Variants in ACTL6B observed in about 807,000 individuals in gnomAD.
ACTL6B encodes the protein actin like 6B, also known as actin-like protein 6B.
A neutral mutation model predicts 63.3 loss-of-function variants in ACTL6B; 48 were observed. The ratio of observed to expected loss-of-function variants is 0.76; its 90% CI spans 0.60 to 0.96. ACTL6B has a LOEUF of 0.96. Among genes scored for constraint, ACTL6B ranks in the 50% least tolerant of loss-of-function variants. The probability of loss-of-function intolerance (pLI) is 0.00; values close to 1 mark genes in which losing one functional copy is unlikely to be tolerated. For missense variants in ACTL6B, 350 were observed against 572.2 expected (o/e 0.61, Z 3.96); for synonymous variants, 230 against 223.8 (o/e 1.03, Z -0.25).
chr7:100,646,192 G>C lies in ACTL6B; in HGVS notation c.1200+57C>G. ...AGAGGCAGTCAAAGTGGCGGGCACT[G>C]TCTGGGTCTCCCCTCTCCCCCACAG... On this transcript the variant is annotated intron_variant, in intron 13 of 13. Transcript: ENST00000160382. The surrounding 1 kb of genome is among the most constrained non-coding windows in gnomAD (Gnocchi z 6.1). The C allele has an allele frequency of 6.9e-7, 1 of 1,453,780 alleles. No homozygotes were observed. The highest frequency in any genetic ancestry group is 9.5e-7 in the Non-Finnish European group (1 of 1,056,052). The allele number at this position is 1,453,780 out of a possible 1,614,324, so 90.1% of individuals were successfully genotyped here. A position where few individuals can be genotyped will look rare whatever the true frequency, so the allele number is the denominator to read the frequency against.
At chr7:100,652,215 G>A (rs568159515) in intron 4 of ACTL6B, among the ~76,000 whole-genome samples, 1 of 152,040 alleles carries the variant, frequency 6.6e-6, no homozygotes, top group East Asian at 1.9e-4. Context: ...TGGCTAACAC[G>A]GTGAAACCCC....
In ACTL6B at chr7:100,650,120, T is replaced by C. The variant is rs1341644113; in HGVS notation, c.385A>G (p.Lys129Glu). Residue 129 changes from lysine to glutamate, a missense_variant, in exon 5 of 14, where the codon AAG becomes GAG. Physicochemically the swap from Lys to Glu is moderately conservative, Grantham distance 56. Coordinates refer to ENST00000160382, the MANE Select transcript of ACTL6B (RefSeq NM_016188.5). The part of the protein sequence containing the change: ...MSEAPWNTRA[K>E]REKLTELMFE... Reference sequence around the variant, plus strand: ...ATCAGCTCTGTCAGCTTCTCCCGCTTGGCCCGTGTGTTCCACTGTGGAGAA... The same window carrying C: ...ATCAGCTCTGTCAGCTTCTCCCGCTCGGCCCGTGTGTTCCACTGTGGAGAA... 1 of 1,613,770 alleles carries C rather than the reference T, an allele frequency of 6.2e-7. No individual in the cohort carries two copies. Among genetic ancestry groups the C allele is most frequent in the East Asian group, 2.2e-5 (1 of 44,884 alleles).
rs763756493 is a variant in ACTL6B, at chr7:100,655,821, A to G, written c.84T>C (p.Ala28=). Residue 28 remains alanine, a synonymous_variant, in exon 2 of 14, where the codon GCT becomes GCC. Transcript: ENST00000160382. This position sits in a 1 kb window ranked among gnomAD's most constrained non-coding sequence, Gnocchi z 4.4. ...GGCTCACCTTGGGACAGTCCTCCCCAGCGTACCCAGCGCGGACTGAGAAGG... is the reference window on the plus strand; with the variant it reads ...GGCTCACCTTGGGACAGTCCTCCCCGGCGTACCCAGCGCGGACTGAGAAGG... ...IGSFSVRAGY[A]GEDCPKADFP... The G allele has an allele frequency of 1.3e-6, 2 of 1,574,024 alleles. No homozygotes were observed. Among genetic ancestry groups the G allele is most frequent in the Non-Finnish European group, 8.6e-7 (1 of 1,159,202 alleles).
In ACTL6B at chr7:100,646,695, G is replaced by A. The variant is rs376531461; in HGVS notation, c.1018-49C>T. ...GCTGCGGGGGCAGCCCCCCAACCCCGTCTCCCCACTTCCCCTGGGCCCCTT... is the reference window on the plus strand; with the variant it reads ...GCTGCGGGGGCAGCCCCCCAACCCCATCTCCCCACTTCCCCTGGGCCCCTT... On this transcript the variant is annotated intron_variant, in intron 11 of 13. Transcript: ENST00000160382. The surrounding 1 kb of genome is among the most constrained non-coding windows in gnomAD (Gnocchi z 6.1). 1.5e-5 allele frequency: 23 copies of A among 1,579,560 alleles called. No homozygotes were observed. Among genetic ancestry groups the A allele is most frequent in the South Asian group, 4.4e-5 (4 of 90,496 alleles).
Position 100,656,391 on chromosome 7 carries a change from G to A in ACTL6B, c.-37C>T, listed in dbSNP as rs1316169274. On this transcript the variant is annotated 5_prime_UTR_variant, in exon 1 of 14. Transcript: ENST00000160382. ...CGCTGCTAGCGGCCCGTGGGCGGTG[G>A]CGGGATCAGCACCGAGGCGGCCGGA... The A allele has an allele frequency of 4.6e-6, 6 of 1,310,716 alleles. No individual in the cohort carries two copies. The South Asian group carries it at 6.2e-5, about 14-fold the overall frequency. The allele number at this position is 1,310,716 out of a possible 1,614,324, so 81.2% of individuals were successfully genotyped here. A position where few individuals can be genotyped will look rare whatever the true frequency, so the allele number is the denominator to read the frequency against.
Position 100,647,236 on chromosome 7 carries a change from G to T in ACTL6B, c.808C>A (p.Pro270Thr). The T allele has an allele frequency of 6.2e-7, 1 of 1,613,518 alleles. No individual in the cohort carries two copies. Among genetic ancestry groups the T allele is most frequent in the South Asian group, 1.1e-5 (1 of 91,064 alleles). ...AGCCACACTCACTGTTCATCGTAGGGGGAGTCTGAGACCTGCAGCACGGAG... is the reference window on the plus strand; with the variant it reads ...AGCCACACTCACTGTTCATCGTAGGTGGAGTCTGAGACCTGCAGCACGGAG... ...QASVLQVSDS[P>T]YDEQVAAQMP... Residue 270 changes from proline to threonine, a missense_variant, in exon 9 of 14, where the codon CCC becomes ACC. Transcript: ENST00000160382. The surrounding 1 kb of genome is among the most constrained non-coding windows in gnomAD (Gnocchi z 4.4).
In ACTL6B at chr7:100,655,149, G is replaced by A. The variant is rs1205861732; in HGVS notation, c.269-30C>T. 2.5e-6 allele frequency: 4 copies of A among 1,572,668 alleles called. No homozygotes were observed. Among genetic ancestry groups the A allele is most frequent in the Admixed American group, 1.7e-5 (1 of 59,824 alleles). Reference sequence around the variant, plus strand: ...GGCCAGAAGAGCAGCGTGCAGAGACGCAAGAAGGCAGGCAGGGGACAGGGA... The same window carrying A: ...GGCCAGAAGAGCAGCGTGCAGAGACACAAGAAGGCAGGCAGGGGACAGGGA... On this transcript the variant is annotated intron_variant, in intron 3 of 13. Transcript: ENST00000160382. This position sits in a 1 kb window ranked among gnomAD's most constrained non-coding sequence, Gnocchi z 4.4.
rs964237113 is a variant in ACTL6B, at chr7:100,656,418, A to C, written c.-64T>G. On this transcript the variant is annotated 5_prime_UTR_variant, in exon 1 of 14. Transcript: ENST00000160382. ...GGGATCAGCACCGAGGCGGCCGGAC[A>C]GCTCCCGGGATCCCTGGCGGGGCGG... 4 of 1,261,048 alleles carry C rather than the reference A, an allele frequency of 3.2e-6. No homozygotes were observed. In the Admixed American group the frequency reaches 1.2e-4, roughly 39 times the overall value. The allele number at this position is 1,261,048 out of a possible 1,614,324, so 78.1% of individuals were successfully genotyped here. A position where few individuals can be genotyped will look rare whatever the true frequency, so the allele number is the denominator to read the frequency against.
In ACTL6B at chr7:100,655,235, G is replaced by A; in HGVS notation, c.269-116C>T. On this transcript the variant is annotated intron_variant, in intron 3 of 13. Transcript: ENST00000160382. This position sits in a 1 kb window ranked among gnomAD's most constrained non-coding sequence, Gnocchi z 4.4. ...GGAGGGTCAGTGAGTCCAGCTCCAG[G>A]GGAACGCCCCCCTTCCCAGAAACCT... is the stretch of plus-strand genomic sequence containing the variant. 8.5e-7 allele frequency: 1 copy of A among 1,177,176 alleles called. No homozygotes were observed. The highest frequency in any genetic ancestry group is 1.2e-6 in the Non-Finnish European group (1 of 815,948). 72.9% of individuals were successfully genotyped at this position (1,177,176 alleles called of 1,614,324 possible).
At chr7:100,653,643 T>C (rs1322744718) in intron 4 of ACTL6B, among the ~76,000 whole-genome samples, 3 of 151,988 alleles carry the variant, frequency 2.0e-5, no homozygotes, top group African/African-American at 7.3e-5. Context: ...AGACCCCCTG[T>C]TTTTGAGGCA....
In ACTL6B at chr7:100,655,261, G is replaced by A; in HGVS notation, c.269-142C>T. On this transcript the variant is annotated intron_variant, in intron 3 of 13. Coordinates refer to ENST00000160382, the MANE Select transcript of ACTL6B (RefSeq NM_016188.5). This position sits in a 1 kb window ranked among gnomAD's most constrained non-coding sequence, Gnocchi z 4.4. Reference sequence around the variant, plus strand: ...GGAACGCCCCCCTTCCCAGAAACCTGGTGGGCCCCTGGGAAGGGAACCCAG... The same window carrying A: ...GGAACGCCCCCCTTCCCAGAAACCTAGTGGGCCCCTGGGAAGGGAACCCAG... 1.7e-6 allele frequency: 2 copies of A among 1,195,228 alleles called. No homozygotes were observed. Among genetic ancestry groups the A allele is most frequent in the Non-Finnish European group, 1.2e-6 (1 of 838,218 alleles). 74.0% of individuals were successfully genotyped at this position (1,195,228 alleles called of 1,614,324 possible).
chr7:100,650,516 CTCACAG>C (rs1174981279), intron 4 of ACTL6B, among the ~76,000 whole-genome samples: 7 of 151,868 alleles, frequency 4.6e-5, no homozygotes, highest in Non-Finnish European at 1.0e-4. Context: ...TATATTCACA[CTCACAG>C]TCACACACAC....
At position 100,646,499 on chromosome 7, in the gene ACTL6B, C is replaced by T. The variant is rs1803824215; in HGVS notation, c.1113+52G>A. 7.6e-6 allele frequency: 12 copies of T among 1,588,322 alleles called. No individual in the cohort carries two copies. The highest frequency in any genetic ancestry group is 1.0e-5 in the Non-Finnish European group (12 of 1,156,974). ...AAGGATGAAGGGACTCAGTCCTGGA[C>T]AGCTGAGCCAGGACGGGTGTCCAGG... On this transcript the variant is annotated intron_variant, in intron 12 of 13. Transcript: ENST00000160382. The surrounding 1 kb of genome is among the most constrained non-coding windows in gnomAD (Gnocchi z 6.1).
At position 100,655,240 on chromosome 7, in the gene ACTL6B, C is replaced by T. The variant is rs1804015932; in HGVS notation, c.269-121G>A. The T allele has an allele frequency of 6.0e-6, 7 of 1,160,044 alleles. No homozygotes were observed. Among genetic ancestry groups the T allele is most frequent in the Non-Finnish European group, 8.7e-6 (7 of 804,730 alleles). 71.9% of individuals were successfully genotyped at this position (1,160,044 alleles called of 1,614,324 possible). A position where few individuals can be genotyped will look rare whatever the true frequency, so the allele number is the denominator to read the frequency against. ...GTCAGTGAGTCCAGCTCCAGGGGAA[C>T]GCCCCCCTTCCCAGAAACCTGGTGG... is the stretch of plus-strand genomic sequence containing the variant. On this transcript the variant is annotated intron_variant, in intron 3 of 13. Coordinates refer to ENST00000160382, the MANE Select transcript of ACTL6B (RefSeq NM_016188.5). This position sits in a 1 kb window ranked among gnomAD's most constrained non-coding sequence, Gnocchi z 4.4.
intron 1 of ACTL6B, 127 bp downstream of exon 1, chr7:100,656,203 G>A: frequency 8.6e-7 from 1 of 1,157,020 alleles, no homozygotes; most frequent in Non-Finnish European, 1.1e-6. Context: ...GGTGGCGGGA[G>A]ACCCGAGCCT....
In ACTL6B at chr7:100,643,240, G is replaced by A; in HGVS notation, c.*6C>T. 1 of 1,614,004 alleles carries A rather than the reference G, an allele frequency of 6.2e-7. No individual in the cohort carries two copies. Among genetic ancestry groups the A allele is most frequent in the Non-Finnish European group, 8.5e-7 (1 of 1,179,946 alleles). Reference sequence around the variant, plus strand: ...CTTGGGAGCAGGTGTGTGGGGAGGAGTGCCATCAGGGGCACTTTCGCTCCA... The same window carrying A: ...CTTGGGAGCAGGTGTGTGGGGAGGAATGCCATCAGGGGCACTTTCGCTCCA... On this transcript the variant is annotated 3_prime_UTR_variant, in exon 14 of 14. Transcript: ENST00000160382.
In ACTL6B at chr7:100,647,161, G is replaced by GGCCC; in HGVS notation, c.821+61_821+62insGGGC. On this transcript the variant is annotated intron_variant, in intron 9 of 13. Coordinates refer to ENST00000160382, the MANE Select transcript of ACTL6B (RefSeq NM_016188.5). The surrounding 1 kb of genome is among the most constrained non-coding windows in gnomAD (Gnocchi z 4.4). ...GCGTGGGCAGCACCAGAGCCCCCCA[G>GGCCC]CCCACCCCAAGAGTGCCGGTTCTGC... 2 of 1,591,172 alleles carry GGCCC rather than the reference G, an allele frequency of 1.3e-6. No individual in the cohort carries two copies. Among genetic ancestry groups the GGCCC allele is most frequent in the Non-Finnish European group, 1.7e-6 (2 of 1,159,716 alleles).
At position 100,646,702 on chromosome 7, in the gene ACTL6B, C is replaced by T. The variant is rs1803828841; in HGVS notation, c.1017+49G>A. 1.9e-6 allele frequency: 3 copies of T among 1,613,104 alleles called. 1 individual carries two copies. The highest frequency in any genetic ancestry group is 2.2e-5 in the East Asian group (1 of 44,866). On this transcript the variant is annotated intron_variant, in intron 11 of 13. Transcript: ENST00000160382. The surrounding 1 kb of genome is among the most constrained non-coding windows in gnomAD (Gnocchi z 6.1). ...GGGCAGCCCCCCAACCCCGTCTCCCCACTTCCCCTGGGCCCCTTTGCCGAG... is the reference window on the plus strand; with the variant it reads ...GGGCAGCCCCCCAACCCCGTCTCCCTACTTCCCCTGGGCCCCTTTGCCGAG...
In ACTL6B at chr7:100,646,204, C is replaced by G. The variant is rs1471511036; in HGVS notation, c.1200+45G>C. 1.3e-6 allele frequency: 2 copies of G among 1,538,870 alleles called. No homozygotes were observed. Among genetic ancestry groups the G allele is most frequent in the Non-Finnish European group, 1.8e-6 (2 of 1,124,278 alleles). On this transcript the variant is annotated intron_variant, in intron 13 of 13. Transcript: ENST00000160382. The surrounding 1 kb of genome is among the most constrained non-coding windows in gnomAD (Gnocchi z 6.1). ...AGTGGCGGGCACTGTCTGGGTCTCC[C>G]CTCTCCCCCACAGTCAGTGCTAGGC...
Sources: allele counts gnomAD v4.1 joint callset (sites outside exome capture counted in the v4.1 genomes callset), GRCh38; gene constraint gnomAD v4.1.1; non-coding constraint Gnocchi (gnomAD v3.1); transcripts MANE v1.5; gene names NCBI Gene and HGNC (gene_info 2026-07-23, HGNC 2026-07-21).